The following NTM variants were observed in gnomAD, a reference collection of about 807,000 sequenced individuals.
The protein encoded by NTM is IgLON family member 2.
In NTM, 13 loss-of-function variants were observed where a neutral mutation model predicts 42.1. That is an observed-to-expected ratio of 0.31 (90% CI 0.20 to 0.49). NTM has a LOEUF of 0.49. Ranked by LOEUF, NTM falls within the 20% of genes least tolerant of loss-of-function variation. The probability of loss-of-function intolerance (pLI) is 0.99; values close to 1 mark genes in which losing one functional copy is unlikely to be tolerated. For missense variants in NTM, 373 were observed against 452.8 expected, an observed-to-expected ratio of 0.82 and a Z score of 1.60; for synonymous variants, 187 against 179.2, an observed-to-expected ratio of 1.04 and a Z score of -0.35.
chr11:131,735,623 T>C (rs1488290177), intron 1 of NTM, among the ~76,000 whole-genome samples: 1 of 152,212 alleles, frequency 6.6e-6, no homozygotes, highest in Non-Finnish European at 1.5e-5. Context: ...CAAGAATACA[T>C]CACTGAGTTC....
intron 1 of NTM, among the ~76,000 whole-genome samples, chr11:131,375,411 A>AAAGAAAGCATGC (rs1218468702): frequency 5.3e-5 from 8 of 152,246 alleles, no homozygotes; most frequent in African/African-American, 1.9e-4. Flanking sequence ...AAACATAAAA[A>AAAGAAAGCATGC]AAGAAAGCAT....
intron 1 of NTM, among the ~76,000 whole-genome samples, chr11:131,481,579 C>T (rs1444926963): frequency 1.3e-5 from 2 of 152,152 alleles, no homozygotes; most frequent in Non-Finnish European, 2.9e-5. Context: ...ATTATGCAAC[C>T]TTTTCATAAC....
intron 1 of NTM, among the ~76,000 whole-genome samples, chr11:131,580,898 C>A (rs555146455): frequency 1.3e-5 from 2 of 152,106 alleles, no homozygotes; most frequent in Non-Finnish European, 2.9e-5. Context: ...CAGGGGAAGT[C>A]GCAAAAGTTC....
intron 1 of NTM, among the ~76,000 whole-genome samples, chr11:131,564,502 A>G (rs2056638121): frequency 6.6e-6 from 1 of 151,432 alleles, no homozygotes; most frequent in Non-Finnish European, 1.5e-5. Flanking sequence ...CTTCTTTTTC[A>G]ATTTTTTTTT....
intron 1 of NTM, among the ~76,000 whole-genome samples, chr11:131,764,346 G>C (rs144280768): frequency 7.9e-5 from 12 of 152,238 alleles, no homozygotes; most frequent in Non-Finnish European, 1.8e-4. Context: ...ATCAGGCTTG[G>C]AGAGGGCAGA....
chr11:132,114,275 G>C (rs2063591688), intron 2 of NTM, among the ~76,000 whole-genome samples: 1 of 152,198 alleles, frequency 6.6e-6, no homozygotes, highest in South Asian at 2.1e-4. Context: ...CCTGCAGTGA[G>C]AGCTGGGTAG....
intron 1 of NTM, among the ~76,000 whole-genome samples, chr11:131,649,169 G>A (rs1407172861): frequency 6.6e-6 from 1 of 152,182 alleles, no homozygotes; most frequent in African/African-American, 2.4e-5. Flanking sequence ...CAGATCAAGT[G>A]ACACCTTTCC....
chr11:131,961,651 A>T (rs2062183475), intron 2 of NTM, among the ~76,000 whole-genome samples: 1 of 152,198 alleles, frequency 6.6e-6, no homozygotes, highest in Admixed American at 6.5e-5. Flanking sequence ...GGGGAGCAGA[A>T]TCAGATTACA....
Position 131,826,280 on chromosome 11 carries a change from A to G in NTM, c.83-85284A>G, listed in dbSNP as rs528506654. 3.3e-5 allele frequency among the ~76,000 whole-genome samples: 5 copies of G among 152,310 alleles called. No homozygotes were observed. In the South Asian group the frequency reaches 1.0e-3, roughly 32 times the overall value. ...AGATTCCATGACATGAAGACGAATG[A>G]AGCCTTAGCATGTTGGCAGAAGAGG... On this transcript the variant is annotated intron_variant, in intron 1 of 8. Coordinates refer to ENST00000683400, the MANE Select transcript of NTM (RefSeq NM_001352005.2).
Position 131,580,794 on chromosome 11 carries a change from G to A in NTM, c.82+209906G>A, listed in dbSNP as rs1305473504. Among the ~76,000 whole-genome samples the A allele has an allele frequency of 2.0e-5, 3 of 152,252 alleles. No homozygotes were observed. The East Asian group carries it at 5.8e-4, about 29-fold the overall frequency. On this transcript the variant is annotated intron_variant, in intron 1 of 8. Coordinates refer to ENST00000683400, the MANE Select transcript of NTM (RefSeq NM_001352005.2). ...TCATGCTTGTCCCATTCATAAGATT[G>A]CTCTCCTTGTAGAGATGAAAAAAGA...
chr11:132,110,290 A>G (rs2062992256), intron 2 of NTM, among the ~76,000 whole-genome samples: 1 of 152,240 alleles, frequency 6.6e-6, no homozygotes. Context: ...TAAGTGAATA[A>G]TGCACTCTTC....
At position 131,540,154 on chromosome 11, in the gene NTM, GTTTTTTTTTTT is replaced by G. The variant is rs57022166; in HGVS notation, c.82+169284_82+169294del. On this transcript the variant is annotated intron_variant, in intron 1 of 8. Coordinates refer to ENST00000683400, the MANE Select transcript of NTM (RefSeq NM_001352005.2). The stretch of plus-strand genomic sequence containing the variant: ...AACATAATTAAAGCTATTTAAGCTT[GTTTTTTTTTTT>G]TTTTTTTTTTTTTTTTTGAGACGGA... 6.2e-3 allele frequency among the ~76,000 whole-genome samples: 535 copies of G among 86,710 alleles called. 4 individuals are homozygous for G. The highest frequency in any genetic ancestry group is 0.022 in the African/African-American group (513 of 23,686). The allele number at this position is 86,710 out of a possible 152,430, so 56.9% of individuals were successfully genotyped here.
intron 1 of NTM, among the ~76,000 whole-genome samples, chr11:131,481,384 C>T (rs1017716490): frequency 1.3e-5 from 2 of 152,156 alleles, no homozygotes; most frequent in Non-Finnish European, 2.9e-5. Context: ...TGGGCAAAGG[C>T]TTGGAGAAGG....
Position 131,687,813 on chromosome 11 carries a change from C to T in NTM, c.83-223751C>T, listed in dbSNP as rs79602104. On this transcript the variant is annotated intron_variant, in intron 1 of 8. Coordinates refer to ENST00000683400, the MANE Select transcript of NTM (RefSeq NM_001352005.2). ...GGCTGTGAAGTCCCGCTGCTCCTCCCTGGCCTCTGCTGTAGATCTTTGGAT... is the reference window on the plus strand; with the variant it reads ...GGCTGTGAAGTCCCGCTGCTCCTCCTTGGCCTCTGCTGTAGATCTTTGGAT... Among the ~76,000 whole-genome samples the T allele has an allele frequency of 5.6e-3, 848 of 152,200 alleles. 10 individuals are homozygous for T. The highest frequency in any genetic ancestry group is 0.019 in the African/African-American group (793 of 41,544).
intron 1 of NTM, among the ~76,000 whole-genome samples, chr11:131,788,029 C>G (rs1260222570): frequency 6.6e-6 from 1 of 152,084 alleles, no homozygotes; most frequent in Non-Finnish European, 1.5e-5. Context: ...TAATTGTTTT[C>G]TCTGTTTTCT....
At chr11:131,508,880 T>A (rs1339117760) in intron 1 of NTM, among the ~76,000 whole-genome samples, 1 of 122,464 alleles carries the variant, frequency 8.2e-6, no homozygotes, top group Non-Finnish European at 1.7e-5. Flanking sequence ...CTCTGGGGAC[T>A]GTTGTGGGGT....
chr11:131,911,428 G>A (rs1017142620), intron 1 of NTM, 136 bp from the exon 2 acceptor site: 17 of 1,610,136 alleles, frequency 1.1e-5, no homozygotes, highest in Admixed American at 3.3e-5. Flanking sequence ...GTGCTCGCCC[G>A]GGGGGCGTGT....
rs145366137 is a variant in NTM at position 131,914,221 on chromosome 11, C to A, written c.167+2573C>A. Among the ~76,000 whole-genome samples, 15 of 152,294 alleles carry A rather than the reference C, an allele frequency of 9.8e-5. No homozygotes were observed. The East Asian group carries it at 2.9e-3, about 29-fold the overall frequency. On this transcript the variant is annotated intron_variant, in intron 2 of 8. Transcript: ENST00000683400. Reference sequence around the variant, plus strand: ...TGCAACCATCTAGTAGTTCAGAGTTCTGAGTTATTTTCTTTTTGCTTTGTA... The same window carrying A: ...TGCAACCATCTAGTAGTTCAGAGTTATGAGTTATTTTCTTTTTGCTTTGTA...
chr11:132,271,275 C>A (rs933977181), intron 4 of NTM, among the ~76,000 whole-genome samples: 3 of 152,196 alleles, frequency 2.0e-5, no homozygotes, highest in African/African-American at 7.2e-5. Flanking sequence ...TATGGATCCA[C>A]ATTTTGTTTA....
Sources: gnomAD v4.1 joint callset for allele counts (sites outside exome capture counted in the v4.1 genomes callset) on GRCh38, gnomAD v4.1.1 for gene constraint, MANE v1.5 for transcripts, NCBI Gene and HGNC (gene_info 2026-07-23, HGNC 2026-07-21) for gene names.